Variants in CHST15 observed in about 807,000 individuals in gnomAD.
CHST15 encodes carbohydrate sulfotransferase 15, also known as B cell RAG associated protein (GALNAC4S-6ST).
Under a neutral mutation model 53.6 loss-of-function variants are expected in CHST15, and 30 were observed. That is an observed-to-expected ratio of 0.56 (90% CI 0.42 to 0.76). CHST15 has a LOEUF of 0.76. Among genes scored for constraint, CHST15 ranks in the 30% least tolerant of loss-of-function variants. The probability of loss-of-function intolerance (pLI) is 0.00; values close to 1 mark genes in which losing one functional copy is unlikely to be tolerated. For missense variants in CHST15, 627 were observed against 740.5 expected (o/e 0.85, Z 1.78); for synonymous variants, 296 against 289.8 (o/e 1.02, Z -0.22).
chr10:124,058,634 G>T (rs1437881652), intron 1 of CHST15, among the ~76,000 whole-genome samples: 6 of 152,208 alleles, frequency 3.9e-5, no homozygotes, highest in African/African-American at 1.4e-4. Flanking sequence ...TCAGCCCACC[G>T]GCCACCCGTC....
Position 124,009,678 on chromosome 10 carries a change from GTC to G in CHST15, c.*469_*470del. On this transcript the variant is annotated 3_prime_UTR_variant, in exon 8 of 8. Coordinates refer to ENST00000435907, the MANE Select transcript of CHST15 (RefSeq NM_001270764.2). ...TGAAGATAGCCATTGAATACAGACA[GTC>G]TGTGCAACACGGCGAGACCCCATCT... The G allele has an allele frequency of 9.9e-7, 1 of 1,010,844 alleles. No individual in the cohort carries two copies. The highest frequency in any genetic ancestry group is 1.2e-6 in the Non-Finnish European group (1 of 844,084). 62.6% of individuals were successfully genotyped at this position (1,010,844 alleles called of 1,614,324 possible). A position where few individuals can be genotyped will look rare whatever the true frequency, so the allele number is the denominator to read the frequency against.
intron 1 of CHST15, among the ~76,000 whole-genome samples, chr10:124,058,054 G>C (rs1564894965): frequency 6.6e-6 from 1 of 152,198 alleles, no homozygotes; most frequent in Admixed American, 6.5e-5. Context: ...ACCAAGTGGA[G>C]AGAAAAACTA....
intron 1 of CHST15, among the ~76,000 whole-genome samples, chr10:124,070,989 A>G (rs549032138): frequency 6.6e-6 from 1 of 152,124 alleles, no homozygotes; most frequent in East Asian, 1.9e-4. Flanking sequence ...ATAAAACCTA[A>G]TTTGCTTTCT....
At chr10:124,090,053 GC>G (rs1196163037) in intron 1 of CHST15, among the ~76,000 whole-genome samples, 1 of 152,182 alleles carries the variant, frequency 6.6e-6, no homozygotes, top group Non-Finnish European at 1.5e-5. Context: ...ATGATGGGCA[GC>G]CATCAGTTCT....
intron 3 of CHST15, among the ~76,000 whole-genome samples, chr10:124,044,155 C>A (rs1947862571): frequency 6.7e-6 from 1 of 148,256 alleles, no homozygotes; most frequent in Non-Finnish European, 1.5e-5. Flanking sequence ...GAGCAGGAAA[C>A]GGCACAGAGC....
intron 3 of CHST15, among the ~76,000 whole-genome samples, chr10:124,044,137 C>A (rs111475483): frequency 2.8e-4 from 38 of 135,648 alleles, no homozygotes; most frequent in African/African-American, 7.2e-4. Flanking sequence ...GAGCAGAGGA[C>A]CGGCACAGAG....
In CHST15 at chr10:124,008,271, G is replaced by A; in HGVS notation, c.*1878C>T. The A allele has an allele frequency of 8.5e-7, 1 of 1,171,686 alleles. No individual in the cohort carries two copies. Among genetic ancestry groups the A allele is most frequent in the Non-Finnish European group, 1.1e-6 (1 of 950,900 alleles). 72.6% of individuals were successfully genotyped at this position (1,171,686 alleles called of 1,614,324 possible). ...AGAAATTAATCTATAAAAGGGTTGT[G>A]TCCAGAGCGGAGGAGCCTCATTAGC... On this transcript the variant is annotated 3_prime_UTR_variant, in exon 8 of 8. Coordinates refer to ENST00000435907, the MANE Select transcript of CHST15 (RefSeq NM_001270764.2).
At chr10:124,045,133 A>AACAAAC (rs1200457080) in intron 2 of CHST15, among the ~76,000 whole-genome samples, 3 of 145,786 alleles carry the variant, frequency 2.1e-5, no homozygotes, top group African/African-American at 8.0e-5. Context: ...AAAAAAAAAA[A>AACAAAC]AAAAAAAAAA....
chr10:124,045,051 C>A, intron 2 of CHST15, 132 bp from the exon 3 acceptor site: 3 of 282,734 alleles, frequency 1.1e-5, no homozygotes, highest in African/African-American at 2.6e-5. Flanking sequence ...CAATGATTAA[C>A]AAATAAAGCA....
At chr10:124,027,881 CCCT>C (rs1375006148) in intron 5 of CHST15, among the ~76,000 whole-genome samples, 1 of 152,204 alleles carries the variant, frequency 6.6e-6, no homozygotes, top group African/African-American at 2.4e-5. Flanking sequence ...GTGGCCCCTG[CCCT>C]CCGAGCTTAG....
chr10:124,072,051 C>T (rs1564907235), intron 1 of CHST15, among the ~76,000 whole-genome samples: 1 of 152,182 alleles, frequency 6.6e-6, no homozygotes, highest in Non-Finnish European at 1.5e-5. Context: ...TCTGGGAAGT[C>T]ACTGCTTCCC....
At chr10:124,027,538 G>A (rs1947058744) in intron 5 of CHST15, among the ~76,000 whole-genome samples, 1 of 152,206 alleles carries the variant, frequency 6.6e-6, no homozygotes, top group Admixed American at 6.5e-5. Context: ...TAAAGCAGGA[G>A]CTGCTGCTGC....
At chr10:124,029,444 T>G (rs940774704) in intron 5 of CHST15, among the ~76,000 whole-genome samples, 1 of 152,244 alleles carries the variant, frequency 6.6e-6, no homozygotes, top group Non-Finnish European at 1.5e-5. Flanking sequence ...TTCTATTTCC[T>G]ACCAGGCCCT....
At chr10:124,017,427 C>T (rs1441492284) in intron 6 of CHST15, among the ~76,000 whole-genome samples, 3 of 152,156 alleles carry the variant, frequency 2.0e-5, no homozygotes, top group Non-Finnish European at 4.4e-5. Context: ...CAATGACTGA[C>T]TCCTGTCTTC....
intron 1 of CHST15, among the ~76,000 whole-genome samples, chr10:124,047,673 ATAAGGACACCTTAACAGGTGC>A (rs1350720751): frequency 3.9e-5 from 6 of 152,252 alleles, no homozygotes; most frequent in Non-Finnish European, 7.3e-5. Flanking sequence ...AATTAGGATA[ATAAGGACACCTTAACAGGTGC>A]TAAATTAGCT....
chr10:124,021,190 A>G (rs564108630), intron 6 of CHST15, 66 bp downstream of exon 6: 14 of 1,559,234 alleles, frequency 9.0e-6, no homozygotes, highest in Middle Eastern at 3.3e-4. Context: ...CGCTTGCATA[A>G]TAACAACAAA....
chr10:124,046,163 T>C lies in CHST15; in HGVS notation c.50A>G (p.His17Arg), dbSNP rs1256306513. Residue 17 changes from histidine (H) to arginine (R), a missense_variant, in exon 2 of 8, where the codon CAC becomes CGC. Transcript: ENST00000435907. ...CCIQLLPDGA[H>R]KQQVNCQGGP... Reference sequence around the variant, plus strand: ...CCCTTGGCAGTTGACCTGCTGCTTGTGTGCGCCGTCGGGTAACAGCTGTAT... The same window carrying C: ...CCCTTGGCAGTTGACCTGCTGCTTGCGTGCGCCGTCGGGTAACAGCTGTAT... 6.2e-7 allele frequency: 1 copy of C among 1,613,988 alleles called. No homozygotes were observed. The highest frequency in any genetic ancestry group is 2.2e-5 in the East Asian group (1 of 44,886).
intron 3 of CHST15, 94 bp downstream of exon 3, chr10:124,044,486 C>T: frequency 1.9e-6 from 2 of 1,054,790 alleles, no homozygotes; most frequent in Non-Finnish European, 2.6e-6. Context: ...CTCTTTCTGC[C>T]GCCCTCGCCC....
intron 5 of CHST15, among the ~76,000 whole-genome samples, chr10:124,025,654 T>C (rs1438208186): frequency 6.6e-6 from 1 of 152,228 alleles, no homozygotes. Context: ...CCTGTGAATG[T>C]GACCTTTCTT....
Sources: allele counts gnomAD v4.1 joint callset (sites outside exome capture counted in the v4.1 genomes callset), GRCh38; gene constraint gnomAD v4.1.1; transcripts MANE v1.5; gene names NCBI Gene and HGNC (gene_info 2026-07-23, HGNC 2026-07-21).